CNTNAP2: variants seen among roughly 807,000 people sequenced by gnomAD.
CNTNAP2 encodes the protein contactin associated protein 2.
Under a neutral mutation model 155.2 loss-of-function variants are expected in CNTNAP2, and 98 were observed. That is an observed-to-expected ratio of 0.63 (90% CI 0.54 to 0.75). The LOEUF is 0.75. Ranked by LOEUF, CNTNAP2 falls within the 30% of genes least tolerant of loss-of-function variation. The pLI, the probability that CNTNAP2 is intolerant of heterozygous loss-of-function variation, is 0.00. For missense variants in CNTNAP2, 1,727 were observed against 1,688.1 expected, an observed-to-expected ratio of 1.02 and a Z score of -0.40; for synonymous variants, 651 against 631.2, an observed-to-expected ratio of 1.03 and a Z score of -0.47.
intron 9 of CNTNAP2, among the ~76,000 whole-genome samples, chr7:147,307,272 A>G (rs973250638): frequency 6.6e-6 from 1 of 152,216 alleles, no homozygotes; most frequent in Non-Finnish European, 1.5e-5. Flanking sequence ...GCTGTCTTAT[A>G]TCTAAAATCT....
At chr7:146,623,936 T>A (rs750090455) in intron 1 of CNTNAP2, among the ~76,000 whole-genome samples, 1 of 151,958 alleles carries the variant, frequency 6.6e-6, no homozygotes, top group African/African-American at 2.4e-5. Flanking sequence ...CTTAGTTTTG[T>A]GGATGTTCGC....
At chr7:148,220,051 C>T (rs1322854404) in intron 19 of CNTNAP2, among the ~76,000 whole-genome samples, 2 of 152,278 alleles carry the variant, frequency 1.3e-5, no homozygotes, top group Admixed American at 6.5e-5. Flanking sequence ...GAAATTATTC[C>T]TAAAGAAATA....
At chr7:147,932,982 T>C (rs1340205631) in intron 14 of CNTNAP2, among the ~76,000 whole-genome samples, 14 of 152,088 alleles carry the variant, frequency 9.2e-5, no homozygotes, top group Non-Finnish European at 4.4e-5. Flanking sequence ...TCACTAATCA[T>C]AGGGAAATGA....
intron 21 of CNTNAP2, among the ~76,000 whole-genome samples, chr7:148,356,281 T>C (rs1288891489): frequency 1.3e-5 from 2 of 151,518 alleles, no homozygotes; most frequent in Non-Finnish European, 2.9e-5. Flanking sequence ...CCCATTTTGC[T>C]CAGCACACAA....
chr7:148,099,055 T>C (rs565202392), intron 15 of CNTNAP2, among the ~76,000 whole-genome samples: 71 of 152,296 alleles, frequency 4.7e-4, no homozygotes, highest in African/African-American at 1.7e-3. Context: ...GAAATTGCTT[T>C]ATAAAAAAGA....
intron 1 of CNTNAP2, among the ~76,000 whole-genome samples, chr7:146,367,267 T>G (rs1386143572): frequency 6.6e-6 from 1 of 152,146 alleles, no homozygotes; most frequent in Non-Finnish European, 1.5e-5. Context: ...ATGGGGTAAT[T>G]ATTATCAAAT....
At chr7:147,068,534 T>A (rs944480656) in intron 4 of CNTNAP2, among the ~76,000 whole-genome samples, 1 of 152,112 alleles carries the variant, frequency 6.6e-6, no homozygotes, top group Non-Finnish European at 1.5e-5. Flanking sequence ...AACTTTTGTA[T>A]TTTTAGTAGA....
At chr7:146,260,911 G>T (rs1251224271) in intron 1 of CNTNAP2, among the ~76,000 whole-genome samples, 1 of 152,134 alleles carries the variant, frequency 6.6e-6, no homozygotes, top group Non-Finnish European at 1.5e-5. Context: ...ATATGGTTGG[G>T]CTCTGTGTTC....
chr7:148,012,888 A>T (rs1270912543), intron 15 of CNTNAP2, among the ~76,000 whole-genome samples: 2 of 152,194 alleles, frequency 1.3e-5, no homozygotes, highest in African/African-American at 2.4e-5. Flanking sequence ...ATCTGTAGGA[A>T]ATGTTGGTGG....
In CNTNAP2 at chr7:147,543,180, T is replaced by A. The variant is rs150254924; in HGVS notation, c.1778-18958T>A. Among the ~76,000 whole-genome samples, 946 of 152,330 alleles carry A rather than the reference T, an allele frequency of 6.2e-3. 8 individuals carry two copies. The highest frequency in any genetic ancestry group is 0.022 in the African/African-American group (908 of 41,580). On this transcript the variant is annotated intron_variant, in intron 11 of 23. Coordinates refer to ENST00000361727, the MANE Select transcript of CNTNAP2 (RefSeq NM_014141.6). ...ATATTAAATTAACTAAAAGTATCCC[T>A]CATGGGAAACAAAGGGATGGGTTGA...
At chr7:148,024,433 AGTGTCTCCAAAT>A (rs1453129741) in intron 15 of CNTNAP2, among the ~76,000 whole-genome samples, 1 of 152,178 alleles carries the variant, frequency 6.6e-6, no homozygotes, top group East Asian at 1.9e-4. Flanking sequence ...CTGGAAACAC[AGTGTCTCCAAAT>A]GTTTCAGCCT....
intron 21 of CNTNAP2, among the ~76,000 whole-genome samples, chr7:148,292,963 C>A (rs1302716705): frequency 6.6e-6 from 1 of 151,904 alleles, no homozygotes; most frequent in African/African-American, 2.4e-5. Flanking sequence ...GCAAATTTTT[C>A]TTCTTTATTT....
At chr7:147,774,757 G>A (rs573897540) in intron 13 of CNTNAP2, among the ~76,000 whole-genome samples, 3 of 152,122 alleles carry the variant, frequency 2.0e-5, no homozygotes, top group African/African-American at 7.2e-5. Context: ...AGAACTAGAA[G>A]AAATAAATTT....
chr7:147,507,417 A>G (rs1014331581), intron 11 of CNTNAP2, among the ~76,000 whole-genome samples: 2 of 151,888 alleles, frequency 1.3e-5, no homozygotes, highest in African/African-American at 2.4e-5. Context: ...CCACCCTTCA[A>G]CCCTTCAACG....
At chr7:148,368,144 G>T (rs1798819373) in intron 21 of CNTNAP2, among the ~76,000 whole-genome samples, 1 of 152,192 alleles carries the variant, frequency 6.6e-6, no homozygotes, top group Admixed American at 6.5e-5. Flanking sequence ...GCCTGGCTCA[G>T]ATTAGCTTTG....
chr7:146,214,430 A>AG (rs1383865807), intron 1 of CNTNAP2, among the ~76,000 whole-genome samples: 6 of 152,198 alleles, frequency 3.9e-5, no homozygotes, highest in African/African-American at 9.6e-5. Flanking sequence ...TATTTCCAGA[A>AG]GGGAAAATCC....
chr7:146,502,719 C>G (rs1324498900), intron 1 of CNTNAP2, among the ~76,000 whole-genome samples: 1 of 152,150 alleles, frequency 6.6e-6, no homozygotes, highest in African/African-American at 2.4e-5. Context: ...TCAAGCAATT[C>G]TCATGTCTCA....
intron 21 of CNTNAP2, among the ~76,000 whole-genome samples, chr7:148,374,398 G>A (rs1477482307): frequency 6.6e-6 from 1 of 152,160 alleles, no homozygotes; most frequent in African/African-American, 2.4e-5. Flanking sequence ...CTTGTGAAAT[G>A]TATGAGGTCA....
intron 3 of CNTNAP2, among the ~76,000 whole-genome samples, chr7:146,918,418 T>C (rs1342748593): frequency 1.3e-5 from 2 of 152,154 alleles, no homozygotes; most frequent in East Asian, 3.9e-4. Flanking sequence ...CTGAAAAAGA[T>C]TATCTTTCTT....
Sources: gnomAD v4.1 joint callset for allele counts (sites outside exome capture counted in the v4.1 genomes callset) on GRCh38, gnomAD v4.1.1 for gene constraint, MANE v1.5 for transcripts, NCBI Gene and HGNC (gene_info 2026-07-23, HGNC 2026-07-21) for gene names.